Variants in IL1RAPL2 observed in about 807,000 individuals in gnomAD.
The protein encoded by IL1RAPL2 is X-linked interleukin-1 receptor accessory protein-like 2.
IL1RAPL2 carries 3 observed loss-of-function variants against 44.1 expected under a neutral mutation model. That is an observed-to-expected ratio of 0.07 (90% CI 0.03 to 0.18). The LOEUF is 0.18. IL1RAPL2 is among the 10% of genes least tolerant of loss of function. The pLI is 1.00. For missense variants in IL1RAPL2, 391 were observed against 496.4 expected, an observed-to-expected ratio of 0.79 and a Z score of 2.02; for synonymous variants, 181 against 178.8, an observed-to-expected ratio of 1.01 and a Z score of -0.10.
intron 6 of IL1RAPL2, among the ~76,000 whole-genome samples, chrX:105,633,712 T>C (rs2147836162): frequency 9.0e-6 from 1 of 111,505 alleles, no homozygotes; most frequent in African/African-American, 3.3e-5. Context: ...TTGATTAGTG[T>C]TTATATAATG....
intron 2 of IL1RAPL2, among the ~76,000 whole-genome samples, chrX:104,795,842 C>T (rs1429639800): frequency 8.9e-6 from 1 of 111,908 alleles, no homozygotes; most frequent in Non-Finnish European, 1.9e-5. Context: ...TCCTCACTGA[C>T]TTATATGGAC....
intron 6 of IL1RAPL2, among the ~76,000 whole-genome samples, chrX:105,683,959 T>G (rs2037946986): frequency 1.8e-5 from 2 of 112,662 alleles, no homozygotes; most frequent in Admixed American, 1.9e-4. Context: ...CTTAATATTA[T>G]GATTAGTAAT....
At chrX:104,877,834 G>A (rs1280215096) in intron 2 of IL1RAPL2, among the ~76,000 whole-genome samples, 1 of 111,485 alleles carries the variant, frequency 9.0e-6, no homozygotes, top group Non-Finnish European at 1.9e-5. Context: ...TACTGGAAGA[G>A]ATGGCAAACA....
At chrX:104,918,399 C>T (rs1569342597) in intron 2 of IL1RAPL2, among the ~76,000 whole-genome samples, 1 of 111,273 alleles carries the variant, frequency 9.0e-6, no homozygotes, top group East Asian at 2.9e-4. Flanking sequence ...TTGTCATAAT[C>T]ATGGCATGTT....
chrX:104,589,862 T>C (rs950444995), intron 1 of IL1RAPL2, among the ~76,000 whole-genome samples: 83 of 111,765 alleles, frequency 7.4e-4, no homozygotes, highest in African/African-American at 2.6e-3. Flanking sequence ...CCTTTGTTCC[T>C]AGAGTGAAAT....
intron 1 of IL1RAPL2, among the ~76,000 whole-genome samples, chrX:104,658,534 C>A (rs1043451850): frequency 8.9e-6 from 1 of 112,365 alleles, no homozygotes; most frequent in Non-Finnish European, 1.9e-5. Flanking sequence ...TTAATGGATG[C>A]AGCAAACCAA....
At chrX:105,434,891 A>C (rs757956522) in intron 5 of IL1RAPL2, among the ~76,000 whole-genome samples, 1 of 111,660 alleles carries the variant, frequency 9.0e-6, no homozygotes, top group South Asian at 3.7e-4. Context: ...TTTTTGTATG[A>C]GGTGTAAGGA....
At chrX:105,002,794 G>C (rs764796235) in intron 2 of IL1RAPL2, among the ~76,000 whole-genome samples, 28 of 110,491 alleles carry the variant, frequency 2.5e-4, no homozygotes, top group African/African-American at 5.2e-4. Flanking sequence ...TTCTTAAGGA[G>C]TAAAAATGGC....
In IL1RAPL2 at chrX:104,800,032, A is replaced by G. The variant is rs889324831; in HGVS notation, c.82+141037A>G. On this transcript the variant is annotated intron_variant, in intron 2 of 10. Transcript: ENST00000372582. ...GATTTACCTCCAATTAATTCCCCCA[A>G]TGGCTTATAGCCACCCCCACCACCA... 1.9e-3 allele frequency among the ~76,000 whole-genome samples: 8 copies of G among 4,169 alleles called. No individual in the cohort carries two copies. In the Admixed American group the frequency reaches 0.025, roughly 13 times the overall value. The allele number at this position is 4,169 out of a possible 115,157, so 3.6% of individuals were successfully genotyped here. A position where few individuals can be genotyped will look rare whatever the true frequency, so the allele number is the denominator to read the frequency against.
intron 5 of IL1RAPL2, among the ~76,000 whole-genome samples, chrX:105,419,010 C>T (rs1316359436): frequency 8.9e-6 from 1 of 111,809 alleles, no homozygotes; most frequent in East Asian, 2.8e-4. Context: ...CACTGCATCA[C>T]CTAGTTAGAA....
Position 105,717,465 on chromosome X carries a change from C to G in IL1RAPL2, c.871C>G (p.Leu291Val). The G allele has an allele frequency of 8.3e-7, 1 of 1,205,219 alleles. No individual in the cohort carries two copies. Among genetic ancestry groups the G allele is most frequent in the Non-Finnish European group, 1.1e-6 (1 of 890,988 alleles). Residue 291 changes from leucine to valine, a missense_variant, in exon 7 of 11, where the codon CTG (leucine) becomes GTG (valine). Transcript: ENST00000372582. ...GAAAGGAGAAAAGTTTATTGAAGAA[C>G]TGGCAGGTCACATTAGAGAAGGTGA... ...WMKGEKFIEE[L>V]AGHIREGEIR...
intron 5 of IL1RAPL2, among the ~76,000 whole-genome samples, chrX:105,361,172 A>C (rs1178072382): frequency 2.7e-5 from 3 of 111,414 alleles, no homozygotes; most frequent in Non-Finnish European, 5.7e-5. Context: ...AAAAATAAAT[A>C]GAATTGAGCA....
intron 2 of IL1RAPL2, among the ~76,000 whole-genome samples, chrX:105,026,949 C>T (rs986961586): frequency 9.0e-6 from 1 of 110,990 alleles, no homozygotes; most frequent in African/African-American, 3.3e-5. Context: ...GTAACCAAAA[C>T]ATCATGGTAC....
intron 5 of IL1RAPL2, among the ~76,000 whole-genome samples, chrX:105,470,661 A>G (rs2036160016): frequency 8.9e-6 from 1 of 112,048 alleles, no homozygotes; most frequent in African/African-American, 3.2e-5. Flanking sequence ...CACAGACACT[A>G]TGGAAATATA....
At chrX:104,727,528 T>C (rs1461922390) in intron 2 of IL1RAPL2, among the ~76,000 whole-genome samples, 2 of 111,647 alleles carry the variant, frequency 1.8e-5, no homozygotes, top group Admixed American at 9.5e-5. Context: ...GGTATGTAGA[T>C]TTCTTTAAGA....
At chrX:104,974,066 G>T (rs2030287702) in intron 2 of IL1RAPL2, among the ~76,000 whole-genome samples, 2 of 111,271 alleles carry the variant, frequency 1.8e-5, no homozygotes, top group Admixed American at 1.9e-4. Flanking sequence ...AAACTAGGAA[G>T]CAAGAAATCC....
rs765774197 is a variant in IL1RAPL2, at chrX:104,741,637, A to T, written c.82+82642A>T. On this transcript the variant is annotated intron_variant, in intron 2 of 10. Coordinates refer to ENST00000372582, the MANE Select transcript of IL1RAPL2 (RefSeq NM_017416.2). ...ATATTTATAAACATTTCACATTTTG[A>T]TGGTAATAAACTTAAAAACATGTCA... Among the ~76,000 whole-genome samples the T allele has an allele frequency of 2.4e-4, 27 of 110,950 alleles. 1 individual carries two copies. Among genetic ancestry groups the T allele is most frequent in the Non-Finnish European group, 4.2e-4 (22 of 52,799 alleles).
At chrX:105,489,787 TTCTCTC>T (rs36081932) in intron 6 of IL1RAPL2, among the ~76,000 whole-genome samples, 4,808 of 73,333 alleles carry the variant, frequency 0.066, 150 homozygotes, top group Non-Finnish European at 0.082. Context: ...CTTTCTCTCT[TTCTCTC>T]TCTCTCTCTC....
intron 2 of IL1RAPL2, among the ~76,000 whole-genome samples, chrX:105,040,106 G>T (rs2031700567): frequency 9.0e-6 from 1 of 111,127 alleles, no homozygotes; most frequent in Non-Finnish European, 1.9e-5. Context: ...GTTGAATTTT[G>T]TCAAAGGCCT....
Sources: gnomAD v4.1 joint callset for allele counts (sites outside exome capture counted in the v4.1 genomes callset) on GRCh38, gnomAD v4.1.1 for gene constraint, MANE v1.5 for transcripts, NCBI Gene and HGNC (gene_info 2026-07-23, HGNC 2026-07-21) for gene names.